The following TBC1D22A variants were observed in gnomAD, a reference collection of about 807,000 sequenced individuals.
TBC1D22A encodes the protein TBC1 domain family member 22A.
Under a neutral mutation model 60.2 loss-of-function variants are expected in TBC1D22A, and 38 were observed. The ratio of observed to expected loss-of-function variants is 0.63; its 90% CI spans 0.49 to 0.83. The LOEUF (loss-of-function observed/expected upper bound fraction) is 0.83. TBC1D22A is among the 40% of genes least tolerant of loss of function. The pLI is 0.00. For synonymous variants in TBC1D22A, 302 were observed against 281.7 expected (o/e 1.07, Z -0.72); for missense variants, 628 against 701.0 (o/e 0.90, Z 1.18).
chr22:46,904,426 C>T lies in TBC1D22A; in HGVS notation c.901-7648C>T, dbSNP rs572032994. On this transcript the variant is annotated intron_variant, in intron 7 of 12. Coordinates refer to ENST00000337137, the MANE Select transcript of TBC1D22A (RefSeq NM_014346.5). ...AATACCATCCGAGTGTGCTCTCAGC[C>T]GCGAGTGCTTTCCTGGCTTGCCTGC... Among the ~76,000 whole-genome samples, 10 of 151,986 alleles carry T rather than the reference C, an allele frequency of 6.6e-5. No individual in the cohort carries two copies. The East Asian group carries it at 9.7e-4, about 15-fold the overall frequency.
intron 7 of TBC1D22A, 84 bp from the exon 8 acceptor site, chr22:46,911,990 A>G: frequency 1.2e-6 from 1 of 844,462 alleles, no homozygotes; most frequent in South Asian, 1.5e-5. Flanking sequence ...AATACAGTGT[A>G]CATTTTAAGT....
intron 4 of TBC1D22A, among the ~76,000 whole-genome samples, chr22:46,876,747 G>A (rs2067585348): frequency 6.6e-6 from 1 of 152,202 alleles, no homozygotes. Context: ...GGCTAGCTCT[G>A]CGGGGCTCCA....
intron 11 of TBC1D22A, among the ~76,000 whole-genome samples, chr22:47,051,545 C>T (rs1432570239): frequency 6.6e-6 from 1 of 152,156 alleles, no homozygotes; most frequent in Non-Finnish European, 1.5e-5. Flanking sequence ...TCAAAACGCC[C>T]TTCCGGTGGA....
chr22:46,903,324 G>A (rs566243376), intron 7 of TBC1D22A, among the ~76,000 whole-genome samples: 19 of 152,288 alleles, frequency 1.2e-4, no homozygotes, highest in African/African-American at 2.9e-4. Context: ...TTCAGCCTGC[G>A]GGGGCGTCTG....
At chr22:46,937,189 C>A (rs2071703448) in intron 8 of TBC1D22A, among the ~76,000 whole-genome samples, 3 of 152,226 alleles carry the variant, frequency 2.0e-5, no homozygotes, top group African/African-American at 7.2e-5. Context: ...TTATCCTGTT[C>A]TTCAAAGAAC....
chr22:46,913,102 T>G (rs1465877533), intron 8 of TBC1D22A, among the ~76,000 whole-genome samples: 1 of 152,244 alleles, frequency 6.6e-6, no homozygotes. Flanking sequence ...ATATTTTTCC[T>G]TTATCACAGT....
At chr22:46,984,275 G>A (rs2074627942) in intron 9 of TBC1D22A, among the ~76,000 whole-genome samples, 1 of 147,222 alleles carries the variant, frequency 6.8e-6, no homozygotes, top group Non-Finnish European at 1.5e-5. Flanking sequence ...GCTGAGGCAG[G>A]AGAATTGCTT....
chr22:47,063,784 G>A (rs534089608), intron 11 of TBC1D22A, among the ~76,000 whole-genome samples: 9 of 152,264 alleles, frequency 5.9e-5, no homozygotes, highest in East Asian at 5.8e-4. Context: ...TCCCCTTCCC[G>A]CCTCCATGTG....
At chr22:46,997,401 C>A (rs972266006) in intron 9 of TBC1D22A, among the ~76,000 whole-genome samples, 1 of 152,240 alleles carries the variant, frequency 6.6e-6, no homozygotes, top group Admixed American at 6.5e-5. Flanking sequence ...CCCTGAGATG[C>A]ACGTGCTTAT....
chr22:46,909,984 G>A lies in TBC1D22A; in HGVS notation c.901-2090G>A, dbSNP rs573474544. ...CTCCTCTGGCCGCTACTTGCAGCTC[G>A]GCTAAATAGCATTCGCATCATTTGC... On this transcript the variant is annotated intron_variant, in intron 7 of 12. Transcript: ENST00000337137. Among the ~76,000 whole-genome samples, 10 of 152,338 alleles carry A rather than the reference G, an allele frequency of 6.6e-5. No homozygotes were observed. In the East Asian group the frequency reaches 1.7e-3, roughly 26 times the overall value.
chr22:46,946,905 G>A (rs901246354), intron 8 of TBC1D22A, among the ~76,000 whole-genome samples: 1 of 152,164 alleles, frequency 6.6e-6, no homozygotes, highest in Non-Finnish European at 1.5e-5. Context: ...GTCTCCAGTA[G>A]GTTTTAGGGA....
rs186353157 is a variant in TBC1D22A at position 46,818,352 on chromosome 22, G to A, written c.637+20732G>A. 5.3e-5 allele frequency among the ~76,000 whole-genome samples: 8 copies of A among 152,280 alleles called. No homozygotes were observed. The East Asian group carries it at 1.5e-3, about 29-fold the overall frequency. ...CCTATGTCCTGAATGGTATTGCCTA[G>A]GTTTTCTTCTAGGGTTTTTATGGTT... On this transcript the variant is annotated intron_variant, in intron 4 of 12. Coordinates refer to ENST00000337137, the MANE Select transcript of TBC1D22A (RefSeq NM_014346.5).
chr22:46,845,687 A>T (rs2086959276), intron 4 of TBC1D22A, among the ~76,000 whole-genome samples: 1 of 152,236 alleles, frequency 6.6e-6, no homozygotes, highest in African/African-American at 2.4e-5. Context: ...ATTTACAGTA[A>T]TCTCAGTGAA....
At chr22:46,766,779 G>T (rs753919301) in intron 1 of TBC1D22A, among the ~76,000 whole-genome samples, 4 of 151,682 alleles carry the variant, frequency 2.6e-5, no homozygotes, top group Non-Finnish European at 2.9e-5. Flanking sequence ...CTCATGATCC[G>T]CCCGCCTTGG....
intron 1 of TBC1D22A, 40 bp from the exon 2 acceptor site, chr22:46,792,480 A>C: frequency 6.2e-7 from 1 of 1,614,076 alleles, no homozygotes; most frequent in Non-Finnish European, 8.5e-7. Flanking sequence ...TTGGGAAGGC[A>C]GGAGAGAGGC....
chr22:46,862,538 C>A (rs917065356), intron 4 of TBC1D22A, among the ~76,000 whole-genome samples: 14 of 152,240 alleles, frequency 9.2e-5, no homozygotes, highest in Non-Finnish European at 5.9e-5. Flanking sequence ...GCCATTCTCC[C>A]AGTGAAGCAC....
intron 3 of TBC1D22A, among the ~76,000 whole-genome samples, chr22:46,796,045 C>G (rs1414094247): frequency 6.6e-6 from 1 of 152,192 alleles, no homozygotes; most frequent in East Asian, 1.9e-4. Context: ...GAGCCAGACG[C>G]CCCGGGCTGG....
At chr22:46,823,549 G>A (rs573503161) in intron 4 of TBC1D22A, among the ~76,000 whole-genome samples, 10 of 152,208 alleles carry the variant, frequency 6.6e-5, no homozygotes, top group East Asian at 3.9e-4. Context: ...TGTTTGTGCC[G>A]TTGTCCATGC....
At chr22:46,902,189 C>A (rs1301367661) in intron 7 of TBC1D22A, among the ~76,000 whole-genome samples, 4 of 152,162 alleles carry the variant, frequency 2.6e-5, no homozygotes, top group Non-Finnish European at 5.9e-5. Context: ...CTTTTCCTTC[C>A]GAATTAGCAT....
Sources: gnomAD v4.1 joint callset for allele counts (sites outside exome capture counted in the v4.1 genomes callset) on GRCh38, gnomAD v4.1.1 for gene constraint, MANE v1.5 for transcripts, NCBI Gene and HGNC (gene_info 2026-07-23, HGNC 2026-07-21) for gene names.